The following SVEP1 variants were observed in gnomAD, a reference collection of about 807,000 sequenced individuals.
SVEP1 encodes the protein sushi, von Willebrand factor type A, EGF and pentraxin domain containing 1.
In SVEP1, 164 loss-of-function variants were observed where a neutral mutation model predicts 367.3. The observed-to-expected ratio is 0.45, with a 90% CI of 0.39 to 0.51. The LOEUF (loss-of-function observed/expected upper bound fraction) is 0.51. SVEP1 is among the 20% of genes least tolerant of loss of function. SVEP1 has a pLI of 0.00. For missense variants in SVEP1, 4,117 were observed against 4,425.3 expected (o/e 0.93, Z 1.98); for synonymous variants, 1,666 against 1,611.6 (o/e 1.03, Z -0.81).
chr9:110,370,801 C>T (rs1354939606), intron 46 of SVEP1, among the ~76,000 whole-genome samples: 1 of 152,152 alleles, frequency 6.6e-6, no homozygotes, highest in Non-Finnish European at 1.5e-5. Flanking sequence ...GAAAGGAGAA[C>T]TCCCTGTAGG....
rs1564134115 is a variant in SVEP1, at chr9:110,408,206, G to A, written c.7394C>T (p.Thr2465Ile). The A allele has an allele frequency of 6.2e-7, 1 of 1,613,982 alleles. No individual in the cohort carries two copies. The highest frequency in any genetic ancestry group is 8.5e-7 in the Non-Finnish European group (1 of 1,179,890). ...GLAYLSTALYTCKPGFELVGN... is the reference protein window; with the variant it reads ...GLAYLSTALYICKPGFELVGN... The stretch of plus-strand genomic sequence containing the variant: ...CACCAATTCAAAGCCTGGCTTGCAG[G>A]TATAGAGAGCTGTGCTGAGATAGGC... Residue 2465 changes from threonine to isoleucine, a missense_variant, in exon 38 of 48, where the codon ACC becomes ATC. By Grantham distance (89) the Thr-to-Ile change is moderately conservative. This residue lies in a region of SVEP1 where 1,765 missense variants were observed against 1,781.1 expected (regional missense o/e 0.99). Coordinates refer to ENST00000374469, the MANE Select transcript of SVEP1 (RefSeq NM_153366.4).
chr9:110,578,922 A>G, intron 1 of SVEP1, 91 bp downstream of exon 1: 1 of 1,423,192 alleles, frequency 7.0e-7, no homozygotes, highest in South Asian at 1.3e-5. Flanking sequence ...TGCCTTGCCC[A>G]GGACTGAACC....
chr9:110,378,198 A>G (rs551726771), intron 44 of SVEP1, among the ~76,000 whole-genome samples: 3 of 152,272 alleles, frequency 2.0e-5, no homozygotes, highest in South Asian at 2.1e-4. Context: ...ATGTTGTTCA[A>G]TATCACACAC....
At chr9:110,573,818 GAGCTTTTCATTA>G (rs1830593853) in intron 1 of SVEP1, among the ~76,000 whole-genome samples, 1 of 152,206 alleles carries the variant, frequency 6.6e-6, no homozygotes, top group African/African-American at 2.4e-5. Context: ...AACAGCTGAA[GAGCTTTTCATTA>G]ATTCTGTAAA....
chr9:110,369,881 G>T, intron 47 of SVEP1, 42 bp downstream of exon 47: 1 of 1,536,942 alleles, frequency 6.5e-7, no homozygotes, highest in Non-Finnish European at 8.9e-7. Context: ...GAATTTTAGA[G>T]TCTTCATGTT....
At chr9:110,389,646 G>A (rs1827594787) in intron 40 of SVEP1, 59 bp from the exon 41 acceptor site, 2 of 1,590,356 alleles carry the variant, frequency 1.3e-6, no homozygotes, top group Admixed American at 1.7e-5. Context: ...AAGATAATAA[G>A]GAAATGCAAA....
In SVEP1 at chr9:110,510,510, T is replaced by C. The variant is rs566937659; in HGVS notation, c.1303+2416A>G. ...GGTCACCCCATTCAGGAGGAGGAAG[T>C]TGGCAACAGTGGAGGGTTGAGAGGA... On this transcript the variant is annotated intron_variant, in intron 5 of 47. Transcript: ENST00000374469. Among the ~76,000 whole-genome samples the C allele has an allele frequency of 2.0e-5, 3 of 152,178 alleles. No individual in the cohort carries two copies. The East Asian group carries it at 5.8e-4, about 29-fold the overall frequency.
At chr9:110,457,678 G>A (rs1828796408) in intron 20 of SVEP1, among the ~76,000 whole-genome samples, 1 of 152,220 alleles carries the variant, frequency 6.6e-6, no homozygotes, top group African/African-American at 2.4e-5. Context: ...ATCTCTGGGA[G>A]TGAAGTCTGT....
chr9:110,561,085 T>C (rs1228784547), intron 1 of SVEP1, among the ~76,000 whole-genome samples: 1 of 152,120 alleles, frequency 6.6e-6, no homozygotes, highest in East Asian at 1.9e-4. Flanking sequence ...CACCCTTGCC[T>C]CCTGTCTACC....
At chr9:110,575,964 G>A (rs1830623074) in intron 1 of SVEP1, among the ~76,000 whole-genome samples, 1 of 152,120 alleles carries the variant, frequency 6.6e-6, no homozygotes, top group African/African-American at 2.4e-5. Context: ...GGGGGTGGGG[G>A]ATGGAATCTT....
chr9:110,532,929 T>G (rs1446841573), intron 3 of SVEP1, among the ~76,000 whole-genome samples: 2 of 152,134 alleles, frequency 1.3e-5, no homozygotes, highest in African/African-American at 4.8e-5. Context: ...ACTGGTTTCA[T>G]GGAAGATAAT....
intron 31 of SVEP1, 122 bp downstream of exon 31, chr9:110,432,340 A>G: frequency 7.6e-7 from 1 of 1,311,882 alleles, no homozygotes; most frequent in African/African-American, 1.5e-5. Context: ...TGGCTTGGCC[A>G]GAGCTTACTG....
At chr9:110,575,034 C>T (rs1418574622) in intron 1 of SVEP1, among the ~76,000 whole-genome samples, 3 of 152,046 alleles carry the variant, frequency 2.0e-5, no homozygotes, top group African/African-American at 4.8e-5. Context: ...CCTGAGCCAC[C>T]GCGCCTGGCC....
At chr9:110,381,735 C>T (rs1347451834) in intron 43 of SVEP1, among the ~76,000 whole-genome samples, 1 of 152,110 alleles carries the variant, frequency 6.6e-6, no homozygotes, top group Non-Finnish European at 1.5e-5. Flanking sequence ...AGTTCAAGTC[C>T]TGAATATCCT....
chr9:110,461,019 G>A (rs1387043382), intron 18 of SVEP1, among the ~76,000 whole-genome samples: 4 of 151,820 alleles, frequency 2.6e-5, no homozygotes, highest in Admixed American at 1.3e-4. Context: ...TTTTGTATTC[G>A]TCGGTCTGGA....
rs73534509 is a variant in SVEP1 at position 110,521,298 on chromosome 9, C to T, written c.965-7192G>A. 2.6e-3 allele frequency among the ~76,000 whole-genome samples: 397 copies of T among 152,270 alleles called. 3 individuals are homozygous for T. Among genetic ancestry groups the T allele is most frequent in the African/African-American group, 9.0e-3 (374 of 41,556 alleles). On this transcript the variant is annotated intron_variant, in intron 3 of 47. Transcript: ENST00000374469. The stretch of plus-strand genomic sequence containing the variant: ...TCTGTAGAATGCATTAGCAGCCTGT[C>T]GTTCTCCCTGTGACTGGTGGTAGCT...
In SVEP1 at chr9:110,536,349, G is replaced by GA. The variant is rs1351135543; in HGVS notation, c.964+9765dup. Among the ~76,000 whole-genome samples, 3 of 152,050 alleles carry GA rather than the reference G, an allele frequency of 2.0e-5. No individual in the cohort carries two copies. The East Asian group carries it at 5.8e-4, about 29-fold the overall frequency. On this transcript the variant is annotated intron_variant, in intron 3 of 47. Coordinates refer to ENST00000374469, the MANE Select transcript of SVEP1 (RefSeq NM_153366.4). The stretch of plus-strand genomic sequence containing the variant: ...ACCTCTTTATAGTTGAATGACATTA[G>GA]AAAAACTACTTAAATTATTCAAAAC...
chr9:110,367,573 T>C (rs1329040280), intron 47 of SVEP1, among the ~76,000 whole-genome samples: 2 of 152,220 alleles, frequency 1.3e-5, no homozygotes, highest in Non-Finnish European at 2.9e-5. Context: ...CCTCCCACTT[T>C]CTTTTCTTCT....
intron 9 of SVEP1, among the ~76,000 whole-genome samples, chr9:110,484,445 T>C (rs1234711170): frequency 6.6e-6 from 1 of 152,124 alleles, no homozygotes; most frequent in Non-Finnish European, 1.5e-5. Flanking sequence ...AAAGCCATGA[T>C]TGAATGTGGT....
Sources: gnomAD v4.1 joint callset for allele counts (sites outside exome capture counted in the v4.1 genomes callset) on GRCh38, gnomAD v4.1.1 for gene constraint, gnomAD v4.1.1 regional missense constraint, MANE v1.5 for transcripts, NCBI Gene and HGNC (gene_info 2026-07-23, HGNC 2026-07-21) for gene names.